FAM120B: variants seen among roughly 807,000 people sequenced by gnomAD.
The protein encoded by FAM120B is constitutive coactivator of peroxisome proliferator-activated receptor gamma.
Under a neutral mutation model 96.3 loss-of-function variants are expected in FAM120B, and 83 were observed. That is an observed-to-expected ratio of 0.86 (90% CI 0.72 to 1.03). FAM120B has a LOEUF of 1.03. Ranked by LOEUF, FAM120B falls within the 50% of genes least tolerant of loss-of-function variation. FAM120B has a pLI of 0.00. For missense variants in FAM120B, 1,027 were observed against 1,121.2 expected, an observed-to-expected ratio of 0.92 and a Z score of 1.20; for synonymous variants, 407 against 402.7, an observed-to-expected ratio of 1.01 and a Z score of -0.13.
intron 6 of FAM120B, among the ~76,000 whole-genome samples, chr6:170,376,869 G>A (rs955175779): frequency 6.6e-6 from 1 of 152,170 alleles, no homozygotes; most frequent in South Asian, 2.1e-4. Context: ...AGGAGGAAGT[G>A]CCTGTTTCCG....
chr6:170,380,453 A>C (rs539082412), intron 6 of FAM120B, among the ~76,000 whole-genome samples: 1 of 152,172 alleles, frequency 6.6e-6, no homozygotes, highest in African/African-American at 2.4e-5. Flanking sequence ...GGCTGTGCCA[A>C]TTTACATGCC....
At chr6:170,360,069 T>C (rs897975890) in intron 6 of FAM120B, among the ~76,000 whole-genome samples, 1 of 152,096 alleles carries the variant, frequency 6.6e-6, no homozygotes, top group Non-Finnish European at 1.5e-5. Context: ...CTCTTCCCTG[T>C]CAGAAGAATT....
intron 3 of FAM120B, among the ~76,000 whole-genome samples, chr6:170,325,549 A>C (rs78275309): frequency 1.3e-5 from 2 of 151,956 alleles, no homozygotes; most frequent in Non-Finnish European, 2.9e-5. Flanking sequence ...AAAAAAAAAA[A>C]AAAGTAGTTG....
At chr6:170,353,574 T>C (rs1787712757) in intron 5 of FAM120B, among the ~76,000 whole-genome samples, 1 of 152,106 alleles carries the variant, frequency 6.6e-6, no homozygotes, top group South Asian at 2.1e-4. Context: ...ACTTTATCCG[T>C]GGGAACTAAC....
chr6:170,352,606 A>G (rs1206991895), intron 5 of FAM120B, among the ~76,000 whole-genome samples: 1 of 152,218 alleles, frequency 6.6e-6, no homozygotes, highest in Non-Finnish European at 1.5e-5. Flanking sequence ...GTCATATTTG[A>G]ACTCAAGATT....
intron 2 of FAM120B, 43 bp from the exon 3 acceptor site, chr6:170,323,036 C>T (rs1170152436): frequency 6.5e-7 from 1 of 1,538,856 alleles, no homozygotes; most frequent in South Asian, 1.2e-5. Context: ...GGTTACTATC[C>T]TGTTTTTAAG....
At chr6:170,339,384 T>G (rs927202233) in intron 4 of FAM120B, among the ~76,000 whole-genome samples, 6 of 152,124 alleles carry the variant, frequency 3.9e-5, no homozygotes, top group Non-Finnish European at 8.8e-5. Context: ...CCAAAATGAT[T>G]CCATTCCATT....
At chr6:170,331,440 T>C (rs1024240937) in intron 4 of FAM120B, among the ~76,000 whole-genome samples, 10 of 152,194 alleles carry the variant, frequency 6.6e-5, no homozygotes, top group African/African-American at 2.4e-4. Context: ...GAGAGAGAAG[T>C]TGAGAAAAGC....
intron 9 of FAM120B, among the ~76,000 whole-genome samples, chr6:170,396,474 A>C (rs1778171984): frequency 6.6e-6 from 1 of 152,200 alleles, no homozygotes; most frequent in Non-Finnish European, 1.5e-5. Context: ...CCCATCCTTG[A>C]GAGAGAGCTC....
intron 9 of FAM120B, among the ~76,000 whole-genome samples, chr6:170,397,770 C>T (rs1057201577): frequency 2.0e-5 from 3 of 152,160 alleles, no homozygotes; most frequent in African/African-American, 4.8e-5. Context: ...CCAGCCTGGC[C>T]GTAAATGCCA....
intron 6 of FAM120B, among the ~76,000 whole-genome samples, chr6:170,387,267 G>A (rs1790238274): frequency 2.6e-5 from 4 of 152,192 alleles, no homozygotes; most frequent in Non-Finnish European, 5.9e-5. Context: ...TTCATGATAC[G>A]TTTCTTACAG....
chr6:170,354,742 T>C (rs1787789076), intron 5 of FAM120B, among the ~76,000 whole-genome samples: 1 of 148,446 alleles, frequency 6.7e-6, no homozygotes, highest in Admixed American at 6.7e-5. Context: ...GCTAACACGG[T>C]GAAACCCCGT....
At chr6:170,359,841 C>G (rs928445937) in intron 6 of FAM120B, among the ~76,000 whole-genome samples, 1 of 152,142 alleles carries the variant, frequency 6.6e-6, no homozygotes, top group Non-Finnish European at 1.5e-5. Flanking sequence ...AATTTCATAG[C>G]ATCAGTATCC....
chr6:170,404,556 G>A lies in FAM120B; in HGVS notation c.2699G>A (p.Arg900Lys). 1 of 1,613,992 alleles carries A rather than the reference G, an allele frequency of 6.2e-7. No homozygotes were observed. The highest frequency in any genetic ancestry group is 8.5e-7 in the Non-Finnish European group (1 of 1,179,912). The change falls in exon 10 of 11, where the codon AGA (arginine) becomes AAA (lysine). Residue 900 changes from arginine to lysine, a missense_variant. Coordinates refer to ENST00000476287, the MANE Select transcript of FAM120B (RefSeq NM_032448.3). The stretch of plus-strand genomic sequence containing the variant: ...TCATGTCTGTTTACTGCAGGAAGCA[G>A]ACAGTATGAGCATGACCAGTGGAGA... ...QPWRDQGPGS[R>K]QYEHDQWRRY
chr6:170,307,023 T>A (rs951516885), intron 1 of FAM120B, among the ~76,000 whole-genome samples, 181 bp downstream of exon 1: 5 of 152,076 alleles, frequency 3.3e-5, no homozygotes, highest in African/African-American at 1.2e-4. Flanking sequence ...GATCCTCGCG[T>A]CCCCGCTGCC....
chr6:170,374,846 G>A (rs113765302), intron 6 of FAM120B, among the ~76,000 whole-genome samples: 5 of 152,204 alleles, frequency 3.3e-5, no homozygotes, highest in African/African-American at 1.2e-4. Flanking sequence ...AGCTTTACCC[G>A]TGAAGGGCCG....
chr6:170,378,780 C>A lies in FAM120B; in HGVS notation c.2284-9507C>A, dbSNP rs537365109. On this transcript the variant is annotated intron_variant, in intron 6 of 10. Transcript: ENST00000476287. ...CTGGTTGTGGGCGGGGTGGGCTGCA[C>A]CTGAGCCCCGAGCTTCCGGTTGTGG... 5.9e-5 allele frequency among the ~76,000 whole-genome samples: 9 copies of A among 152,304 alleles called. No individual in the cohort carries two copies. The South Asian group carries it at 1.9e-3, about 32-fold the overall frequency.
At chr6:170,362,641 C>A (rs1473905685) in intron 6 of FAM120B, among the ~76,000 whole-genome samples, 1 of 151,866 alleles carries the variant, frequency 6.6e-6, no homozygotes, top group Non-Finnish European at 1.5e-5. Context: ...TTGCTCTCAT[C>A]CCAGGGTGCA....
At chr6:170,383,672 T>A (rs567302188) in intron 6 of FAM120B, among the ~76,000 whole-genome samples, 1 of 152,346 alleles carries the variant, frequency 6.6e-6, no homozygotes, top group East Asian at 1.9e-4. Context: ...GAGGATGCAG[T>A]CCTTATACAC....
Sources: allele counts gnomAD v4.1 joint callset (sites outside exome capture counted in the v4.1 genomes callset), GRCh38; gene constraint gnomAD v4.1.1; transcripts MANE v1.5; gene names NCBI Gene and HGNC (gene_info 2026-07-23, HGNC 2026-07-21).